PCDHA4: variants seen among roughly 807,000 people sequenced by gnomAD.
PCDHA4 encodes protocadherin alpha 4.
A neutral mutation model predicts 61.4 loss-of-function variants in PCDHA4; 49 were observed. The ratio of observed to expected loss-of-function variants is 0.80; its 90% CI spans 0.63 to 1.01. The LOEUF (loss-of-function observed/expected upper bound fraction) is 1.01, where lower values mean the gene tolerates loss of function less well. PCDHA4 is among the 50% of genes least tolerant of loss of function. PCDHA4 has a pLI of 0.00. For synonymous variants in PCDHA4, 590 were observed against 550.3 expected, an observed-to-expected ratio of 1.07 and a Z score of -1.01; for missense variants, 1,254 against 1,235.8, an observed-to-expected ratio of 1.01 and a Z score of -0.22.
rs138821024 is a variant in PCDHA4, at chr5:140,968,111, C to T, written c.2386-10838C>T. ...AGCCACAGATGGGGGAATACCGCAG[C>T]TCACATCCCTGCGTACACTGAAGGT... On this transcript the variant is annotated intron_variant, in intron 1 of 3. Transcript: ENST00000530339. 533 of 1,614,062 alleles carry T rather than the reference C, an allele frequency of 3.3e-4. 1 individual carries two copies. The highest frequency in any genetic ancestry group is 4.1e-4 in the Non-Finnish European group (489 of 1,180,052).
chr5:140,955,234 G>C (rs1373509371), intron 1 of PCDHA4, among the ~76,000 whole-genome samples: 12 of 152,184 alleles, frequency 7.9e-5, no homozygotes, highest in Middle Eastern at 3.4e-3. Flanking sequence ...TTGTTCTTTT[G>C]CTTAGGATCG....
At chr5:140,926,754 C>G in intron 1 of PCDHA4, 1 of 1,283,492 alleles carries the variant, frequency 7.8e-7, no homozygotes, top group South Asian at 2.2e-5. Flanking sequence ...TCGGCGGTCG[C>G]TGAGTATCCA....
At chr5:140,830,610 T>A in intron 1 of PCDHA4, 1 of 618,590 alleles carries the variant, frequency 1.6e-6, no homozygotes, top group Non-Finnish European at 2.5e-6. Context: ...ATATTTTCAT[T>A]TTATTGTGTT....
chr5:140,939,499 A>G (rs1467638389), intron 1 of PCDHA4, among the ~76,000 whole-genome samples: 1 of 152,234 alleles, frequency 6.6e-6, no homozygotes, highest in African/African-American at 2.4e-5. Flanking sequence ...TATAAATTCA[A>G]TGTCTATAAC....
rs10569930 is a variant in PCDHA4, at chr5:140,925,641, TATAATAATAATA to T, written c.2386-53282_2386-53271del. On this transcript the variant is annotated intron_variant, in intron 1 of 3. Coordinates refer to ENST00000530339, the MANE Select transcript of PCDHA4 (RefSeq NM_018907.4). ...TGCACATGTACCCTAGAACTTAAAG[TATAATAATAATA>T]ATAATAATAATAATAATAATAATAA... Among the ~76,000 whole-genome samples the T allele has an allele frequency of 2.0e-4, 29 of 143,352 alleles. 1 individual carries two copies. Among genetic ancestry groups the T allele is most frequent in the Admixed American group, 7.0e-4 (10 of 14,330 alleles). 94.0% of individuals were successfully genotyped at this position (143,352 alleles called of 152,430 possible). A position where few individuals can be genotyped will look rare whatever the true frequency, so the allele number is the denominator to read the frequency against.
rs2042755048 is a variant in PCDHA4 at position 140,853,453 on chromosome 5, C to A, written c.2385+43881C>A. ...CTTTCCTATTTTGCCTAATAGGTCTCCTTATATGCATCTGTAGTTAACATT... is the reference window on the plus strand; with the variant it reads ...CTTTCCTATTTTGCCTAATAGGTCTACTTATATGCATCTGTAGTTAACATT... On this transcript the variant is annotated intron_variant, in intron 1 of 3. Coordinates refer to ENST00000530339, the MANE Select transcript of PCDHA4 (RefSeq NM_018907.4). 4 of 976,644 alleles carry A rather than the reference C, an allele frequency of 4.1e-6. 1 individual carries two copies. The Admixed American group carries it at 2.5e-4, about 62-fold the overall frequency. 60.5% of individuals were successfully genotyped at this position (976,644 alleles called of 1,614,324 possible). A position where few individuals can be genotyped will look rare whatever the true frequency, so the allele number is the denominator to read the frequency against.
At chr5:140,941,048 T>C (rs1157859382) in intron 1 of PCDHA4, among the ~76,000 whole-genome samples, 1 of 152,138 alleles carries the variant, frequency 6.6e-6, no homozygotes, top group African/African-American at 2.4e-5. Context: ...CAAGTCAAAT[T>C]CCCCAGCAGT....
rs782443702 is a variant in PCDHA4 at position 140,824,610 on chromosome 5, G to GTTTT, written c.2385+15057_2385+15060dup. ...GGACTACATGCACATGCTAATTAAAGTTTTTTTTTTTTTTTTTTTTTTATT... is the reference window on the plus strand; with the variant it reads ...GGACTACATGCACATGCTAATTAAAGTTTTTTTTTTTTTTTTTTTTTTTTTTATT... On this transcript the variant is annotated intron_variant, in intron 1 of 3. Coordinates refer to ENST00000530339, the MANE Select transcript of PCDHA4 (RefSeq NM_018907.4). 941 of 95,090 alleles carry GTTTT rather than the reference G, an allele frequency of 9.9e-3. 171 individuals carry two copies. The highest frequency in any genetic ancestry group is 0.04 in the African/African-American group (820 of 20,550). The allele number at this position is 95,090 out of a possible 1,614,324, so 5.9% of individuals were successfully genotyped here.
At chr5:140,825,010 T>G (rs1223030036) in intron 1 of PCDHA4, 1 of 152,128 alleles carries the variant, frequency 6.6e-6, no homozygotes, top group Non-Finnish European at 1.5e-5. Flanking sequence ...TTTACTGTTC[T>G]AAAGGTGCAA....
At chr5:140,824,937 T>C (rs1164834438) in intron 1 of PCDHA4, 1 of 152,184 alleles carries the variant, frequency 6.6e-6, no homozygotes, top group African/African-American at 2.4e-5. Flanking sequence ...ATTTGATAAT[T>C]GTAATTTAAA....
At chr5:140,993,509 CGGGGAGAG>C (rs2097568152) in intron 3 of PCDHA4, among the ~76,000 whole-genome samples, 1 of 143,490 alleles carries the variant, frequency 7.0e-6, no homozygotes, top group Non-Finnish European at 1.5e-5. Flanking sequence ...CACACACACA[CGGGGAGAG>C]AGAGACAGAG....
chr5:140,835,605 G>A, intron 1 of PCDHA4: 1 of 1,613,894 alleles, frequency 6.2e-7, no homozygotes, highest in Non-Finnish European at 8.5e-7. Context: ...CTATTCATTG[G>A]TGCTGGACAG....
intron 1 of PCDHA4, chr5:140,871,711 T>C (rs1554165833): frequency 1.2e-6 from 1 of 815,266 alleles, no homozygotes; most frequent in Middle Eastern, 3.7e-4. Flanking sequence ...ATAAATGTCC[T>C]ATTTCTCTTA....
At chr5:140,812,537 T>A (rs1765127658) in intron 1 of PCDHA4, 1 of 152,190 alleles carries the variant, frequency 6.6e-6, no homozygotes. Context: ...TGTCCTTTTT[T>A]TCTAGTTCCT....
intron 1 of PCDHA4, among the ~76,000 whole-genome samples, chr5:140,954,531 G>A (rs564993313): frequency 4.6e-5 from 7 of 152,218 alleles, no homozygotes; most frequent in African/African-American, 1.4e-4. Context: ...GTGATGTTGA[G>A]GTTTTTTTCA....
At position 140,836,025 on chromosome 5, in the gene PCDHA4, A is replaced by G. The variant is rs2150250973; in HGVS notation, c.2385+26453A>G. 6 of 1,613,528 alleles carry G rather than the reference A, an allele frequency of 3.7e-6. 1 individual carries two copies. In the South Asian group the frequency reaches 5.5e-5, roughly 15 times the overall value. Reference sequence around the variant, plus strand: ...TGCGGGCGTGCCGCCTCTGGGCAGCAACGTGACGCTGCAGGTGTTCGTGCT... The same window carrying G: ...TGCGGGCGTGCCGCCTCTGGGCAGCGACGTGACGCTGCAGGTGTTCGTGCT... On this transcript the variant is annotated intron_variant, in intron 1 of 3. Coordinates refer to ENST00000530339, the MANE Select transcript of PCDHA4 (RefSeq NM_018907.4).
chr5:140,819,746 A>C (rs1562254494), intron 1 of PCDHA4, among the ~76,000 whole-genome samples: 1 of 152,094 alleles, frequency 6.6e-6, no homozygotes, highest in Non-Finnish European at 1.5e-5. Context: ...ATCAAAAGTC[A>C]AGAGTCTTGT....
chr5:140,930,494 A>T (rs1238249815), intron 1 of PCDHA4: 3 of 152,500 alleles, frequency 2.0e-5, no homozygotes, highest in Admixed American at 6.6e-5. Flanking sequence ...AAGTGCTGGG[A>T]TTACAGGCAT....
Position 140,841,637 on chromosome 5 carries a change from C to G in PCDHA4, c.2385+32065C>G, listed in dbSNP as rs2150319876. The G allele has an allele frequency of 4.3e-6, 7 of 1,614,008 alleles. No individual in the cohort carries two copies. Among genetic ancestry groups the G allele is most frequent in the Admixed American group, 3.3e-5 (2 of 59,990 alleles). ...GCGGAGCGCGGAGTGCAGCATCCAC[C>G]TGGAGGTGATCGTGGACAGGCCGCT... On this transcript the variant is annotated intron_variant, in intron 1 of 3. Coordinates refer to ENST00000530339, the MANE Select transcript of PCDHA4 (RefSeq NM_018907.4).
Sources: allele counts gnomAD v4.1 joint callset (sites outside exome capture counted in the v4.1 genomes callset), GRCh38; gene constraint gnomAD v4.1.1; transcripts MANE v1.5; gene names NCBI Gene and HGNC (gene_info 2026-07-23, HGNC 2026-07-21).